The following CD2AP variants were observed in gnomAD, a reference collection of about 807,000 sequenced individuals.
The protein encoded by CD2AP is CD2 associated protein.
A neutral mutation model predicts 85.1 loss-of-function variants in CD2AP; 46 were observed. The observed-to-expected ratio is 0.54, with a 90% CI of 0.43 to 0.69. The LOEUF (loss-of-function observed/expected upper bound fraction) is 0.69, where lower values mean the gene tolerates loss of function less well. CD2AP is among the 30% of genes least tolerant of loss of function. The pLI, the probability that CD2AP is intolerant of heterozygous loss-of-function variation, is 0.00. For missense variants in CD2AP, 769 were observed against 729.5 expected (o/e 1.05, Z -0.62); for synonymous variants, 255 against 252.9 (o/e 1.01, Z -0.08).
intron 13 of CD2AP, among the ~76,000 whole-genome samples, chr6:47,603,268 CAT>C (rs1258196770): frequency 1.3e-5 from 2 of 151,942 alleles, no homozygotes; most frequent in Non-Finnish European, 2.9e-5. Flanking sequence ...AGTATTGAGT[CAT>C]ATTTTTATAG....
chr6:47,482,403 G>C (rs1765468179), intron 1 of CD2AP, among the ~76,000 whole-genome samples: 1 of 146,782 alleles, frequency 6.8e-6, no homozygotes. Context: ...TTTTGAGATG[G>C]AGTCTTGCTC....
intron 8 of CD2AP, 65 bp from the exon 9 acceptor site, chr6:47,579,320 G>A (rs1220327828): frequency 2.7e-5 from 25 of 936,466 alleles, no homozygotes; most frequent in Non-Finnish European, 4.1e-5. Flanking sequence ...GGCCAACAGA[G>A]CAACACTTTA....
chr6:47,541,273 A>G (rs1020390322), intron 3 of CD2AP, among the ~76,000 whole-genome samples: 3 of 152,178 alleles, frequency 2.0e-5, no homozygotes, highest in Non-Finnish European at 4.4e-5. Context: ...ACAGGCACCC[A>G]CCACCACGCC....
At chr6:47,503,039 A>T (rs1766037880) in intron 1 of CD2AP, among the ~76,000 whole-genome samples, 1 of 152,166 alleles carries the variant, frequency 6.6e-6, no homozygotes, top group Non-Finnish European at 1.5e-5. Context: ...GATGGCATGA[A>T]TTATGCATTA....
At chr6:47,584,429 T>C (rs1051252456) in intron 11 of CD2AP, among the ~76,000 whole-genome samples, 20 of 152,010 alleles carry the variant, frequency 1.3e-4, no homozygotes, top group African/African-American at 4.6e-4. Flanking sequence ...ATTTTTTTTT[T>C]TTTTTGGCAT....
intron 17 of CD2AP, among the ~76,000 whole-genome samples, chr6:47,621,607 C>T (rs755926689): frequency 2.6e-5 from 4 of 152,098 alleles, no homozygotes; most frequent in African/African-American, 7.2e-5. Context: ...GGAATAGTGT[C>T]GAAAGGATTG....
intron 2 of CD2AP, among the ~76,000 whole-genome samples, chr6:47,526,278 T>G (rs968423814): frequency 6.6e-6 from 1 of 152,118 alleles, no homozygotes. Context: ...TAGTAAGGGA[T>G]TGTAGCTCGG....
Position 47,606,032 on chromosome 6 carries a change from A to G in CD2AP, c.1418-133A>G, listed in dbSNP as rs920388256. Reference sequence around the variant, plus strand: ...TTTTCCAAATGCATATGAAAAGCACAGGTCAATTTGTGAGTTCTTCAAAGT... The same window carrying G: ...TTTTCCAAATGCATATGAAAAGCACGGGTCAATTTGTGAGTTCTTCAAAGT... On this transcript the variant is annotated intron_variant, in intron 13 of 17. Coordinates refer to ENST00000359314, the MANE Select transcript of CD2AP (RefSeq NM_012120.3). The G allele has an allele frequency of 8.1e-6, 5 of 615,874 alleles. No homozygotes were observed. In the Admixed American group the frequency reaches 1.4e-4, roughly 17 times the overall value. The allele number at this position is 615,874 out of a possible 1,614,324, so 38.2% of individuals were successfully genotyped here. A position where few individuals can be genotyped will look rare whatever the true frequency, so the allele number is the denominator to read the frequency against.
At chr6:47,501,375 C>T (rs1488063430) in intron 1 of CD2AP, among the ~76,000 whole-genome samples, 2 of 152,186 alleles carry the variant, frequency 1.3e-5, no homozygotes, top group African/African-American at 2.4e-5. Flanking sequence ...GGCACCTGCT[C>T]AACTGTAGTT....
rs563129437 is a variant in CD2AP, at chr6:47,557,502, A to G, written c.541+2736A>G. On this transcript the variant is annotated intron_variant, in intron 5 of 17. Coordinates refer to ENST00000359314, the MANE Select transcript of CD2AP (RefSeq NM_012120.3). ...TAATCCATCTTGAGTTAATTTTTGT[A>G]TAAGGTATAAGGAAGGGGTCCAGTT... Among the ~76,000 whole-genome samples the G allele has an allele frequency of 9.2e-5, 14 of 152,276 alleles. No individual in the cohort carries two copies. The South Asian group carries it at 2.9e-3, about 32-fold the overall frequency.
intron 5 of CD2AP, among the ~76,000 whole-genome samples, chr6:47,573,678 A>T (rs1285700235): frequency 6.6e-6 from 1 of 151,578 alleles, no homozygotes; most frequent in South Asian, 2.1e-4. Flanking sequence ...TTTAGTGGAG[A>T]CGGGGTTTCA....
intron 12 of CD2AP, among the ~76,000 whole-genome samples, chr6:47,596,992 A>G (rs552184521): frequency 6.6e-6 from 1 of 151,558 alleles, no homozygotes; most frequent in African/African-American, 2.4e-5. Context: ...AAGAATATAA[A>G]CATGTTGAAA....
intron 15 of CD2AP, 114 bp from the exon 16 acceptor site, chr6:47,609,009 C>G: frequency 1.4e-6 from 1 of 728,744 alleles, no homozygotes; most frequent in South Asian, 2.2e-5. Flanking sequence ...TTTTGAATTT[C>G]CAAATTTGCC....
At chr6:47,566,911 G>A (rs532030361) in intron 5 of CD2AP, among the ~76,000 whole-genome samples, 22 of 152,244 alleles carry the variant, frequency 1.4e-4, no homozygotes, top group African/African-American at 5.1e-4. Flanking sequence ...TGTAAATAGT[G>A]CTGTAAATAT....
chr6:47,591,219 TAGA>T (rs1768784060), intron 11 of CD2AP, among the ~76,000 whole-genome samples: 1 of 152,180 alleles, frequency 6.6e-6, no homozygotes, highest in Admixed American at 6.6e-5. Context: ...TCTGTGGTGT[TAGA>T]AGACAGCTTG....
intron 3 of CD2AP, among the ~76,000 whole-genome samples, chr6:47,538,271 C>T (rs1056226109): frequency 2.6e-5 from 4 of 151,996 alleles, no homozygotes; most frequent in Admixed American, 6.6e-5. Context: ...GACAGAGTTT[C>T]GCTCTTCTTA....
chr6:47,491,198 T>G (rs1046399403), intron 1 of CD2AP, among the ~76,000 whole-genome samples: 1 of 152,042 alleles, frequency 6.6e-6, no homozygotes, highest in Admixed American at 6.6e-5. Flanking sequence ...TTTTTGTTTG[T>G]GGTAAGAAAT....
intron 3 of CD2AP, among the ~76,000 whole-genome samples, chr6:47,536,339 C>G (rs1278616059): frequency 1.3e-5 from 2 of 151,562 alleles, no homozygotes; most frequent in African/African-American, 4.9e-5. Flanking sequence ...CTAACCAGTA[C>G]TATTAATATT....
At chr6:47,542,704 C>T (rs75163387) in intron 3 of CD2AP, among the ~76,000 whole-genome samples, 2,150 of 152,224 alleles carry the variant, frequency 0.014, 37 homozygotes, top group African/African-American at 0.034. Flanking sequence ...ATTACCTAGT[C>T]TCAGGTATTT....
Sources: gnomAD v4.1 joint callset for allele counts (sites outside exome capture counted in the v4.1 genomes callset) on GRCh38, gnomAD v4.1.1 for gene constraint, MANE v1.5 for transcripts, NCBI Gene and HGNC (gene_info 2026-07-23, HGNC 2026-07-21) for gene names.